Variants in PRKN observed in about 807,000 individuals in gnomAD.
The protein encoded by PRKN is parkin RBR E3 ubiquitin protein ligase, also known as E3 ubiquitin-protein ligase parkin.
In PRKN, 56 loss-of-function variants were observed where a neutral mutation model predicts 59.5. That is an observed-to-expected ratio of 0.94 (90% CI 0.76 to 1.18). The LOEUF (loss-of-function observed/expected upper bound fraction) is 1.18. Among genes scored for constraint, PRKN ranks in the 50% most tolerant of loss-of-function variants. PRKN has a pLI of 0.00. For missense variants in PRKN, 657 were observed against 596.4 expected (o/e 1.10, Z -1.06); for synonymous variants, 250 against 222.1 (o/e 1.13, Z -1.12).
At chr6:162,515,653 A>G (rs1361592833) in intron 1 of PRKN, among the ~76,000 whole-genome samples, 1 of 152,152 alleles carries the variant, frequency 6.6e-6, no homozygotes, top group Non-Finnish European at 1.5e-5. Context: ...TATCGGGTAC[A>G]TTGTAGATTC....
At chr6:161,905,731 T>A (rs1583327135) in intron 6 of PRKN, among the ~76,000 whole-genome samples, 1 of 151,826 alleles carries the variant, frequency 6.6e-6, no homozygotes, top group South Asian at 2.1e-4. Context: ...GAGGCCGAGG[T>A]GGGCGGATCA....
chr6:162,146,204 G>C (rs117006502), intron 4 of PRKN, among the ~76,000 whole-genome samples: 2,427 of 152,144 alleles, frequency 0.016, 29 homozygotes, highest in Non-Finnish European at 0.024. Flanking sequence ...GCAAACATAT[G>C]CTAAAGATAG....
intron 4 of PRKN, among the ~76,000 whole-genome samples, chr6:162,057,812 C>T (rs1479750744): frequency 1.3e-5 from 2 of 152,186 alleles, no homozygotes; most frequent in African/African-American, 4.8e-5. Flanking sequence ...CATAGATTCA[C>T]TGGGACATTT....
chr6:162,581,711 A>G (rs1260372769), intron 1 of PRKN, among the ~76,000 whole-genome samples: 2 of 152,238 alleles, frequency 1.3e-5, no homozygotes, highest in Non-Finnish European at 2.9e-5. Context: ...GTGAGCCAAG[A>G]TCACGCCACT....
Position 161,550,651 on chromosome 6 carries a change from A to G in PRKN, c.934-1648T>C, listed in dbSNP as rs1779969877. Among the ~76,000 whole-genome samples the G allele has an allele frequency of 6.6e-6, 1 of 151,344 alleles. No individual in the cohort carries two copies. The highest frequency in any genetic ancestry group is 2.4e-5 in the African/African-American group (1 of 41,040). ...GAAAAGAGGAGTCAACTGTGAGTGGAGTGTAGTTCCCCGTTTCCTGAGAAG... is the reference window on the plus strand; with the variant it reads ...GAAAAGAGGAGTCAACTGTGAGTGGGGTGTAGTTCCCCGTTTCCTGAGAAG... On this transcript the variant is annotated intron_variant, in intron 8 of 11. Coordinates refer to ENST00000366898, the MANE Select transcript of PRKN (RefSeq NM_004562.3). The surrounding 1 kb of genome is among the most constrained non-coding windows in gnomAD (Gnocchi z 4.0).
At chr6:162,442,291 C>T (rs1332160416) in intron 2 of PRKN, among the ~76,000 whole-genome samples, 2 of 152,158 alleles carry the variant, frequency 1.3e-5, no homozygotes, top group Admixed American at 1.3e-4. Context: ...CCAGGAGCCC[C>T]CCTGCGCGGA....
At chr6:161,722,026 T>A (rs879731839) in intron 7 of PRKN, among the ~76,000 whole-genome samples, 2 of 152,116 alleles carry the variant, frequency 1.3e-5, no homozygotes, top group African/African-American at 2.4e-5. Context: ...AAAGCACCAA[T>A]TACTCCTTCT....
chr6:162,671,150 G>A (rs754004046), intron 1 of PRKN, among the ~76,000 whole-genome samples: 19 of 152,102 alleles, frequency 1.2e-4, no homozygotes, highest in South Asian at 2.1e-4. Context: ...CTACAATCCC[G>A]TCTAACATTC....
chr6:162,565,717 C>CATAT (rs1461890544), intron 1 of PRKN, among the ~76,000 whole-genome samples: 2 of 151,294 alleles, frequency 1.3e-5, no homozygotes, highest in African/African-American at 2.4e-5. Flanking sequence ...TACATACATA[C>CATAT]ATACATACAT....
chr6:161,540,807 T>C (rs1005296474), intron 9 of PRKN, among the ~76,000 whole-genome samples: 6 of 152,188 alleles, frequency 3.9e-5, no homozygotes, highest in Non-Finnish European at 8.8e-5. Flanking sequence ...TTAAGTCCTA[T>C]AGGAAAGAAA....
chr6:162,185,166 T>C (rs963545154), intron 4 of PRKN, among the ~76,000 whole-genome samples: 1 of 152,188 alleles, frequency 6.6e-6, no homozygotes, highest in Non-Finnish European at 1.5e-5. Context: ...CCACAGCACA[T>C]TTTCCAATGT....
At chr6:162,701,372 C>A (rs1171153492) in intron 1 of PRKN, among the ~76,000 whole-genome samples, 1 of 151,920 alleles carries the variant, frequency 6.6e-6, no homozygotes, top group Non-Finnish European at 1.5e-5. Context: ...ATAATCAATT[C>A]CACTATTAAA....
chr6:161,356,295 TCTGA>T lies in PRKN; in HGVS notation c.1285+3789_1285+3792del, dbSNP rs1282863400. ...TCTTTGGCAGGGTGGTAAGGGGCGG[TCTGA>T]CTGAGAAGAGGTCAGCTGGGGTAAG... is the stretch of plus-strand genomic sequence containing the variant. On this transcript the variant is annotated intron_variant, in intron 11 of 11. Coordinates refer to ENST00000366898, the MANE Select transcript of PRKN (RefSeq NM_004562.3). This position sits in a 1 kb window ranked among gnomAD's most constrained non-coding sequence, Gnocchi z 7.8. Among the ~76,000 whole-genome samples, 8 of 151,942 alleles carry T rather than the reference TCTGA, an allele frequency of 5.3e-5. No individual in the cohort carries two copies. The highest frequency in any genetic ancestry group is 1.9e-4 in the African/African-American group (8 of 41,370).
chr6:162,488,161 G>A (rs1455027273), intron 1 of PRKN, among the ~76,000 whole-genome samples: 1 of 150,900 alleles, frequency 6.6e-6, no homozygotes, highest in Non-Finnish European at 1.5e-5. Context: ...AAAAATCACA[G>A]GGCTGTCTAT....
chr6:161,902,136 A>C (rs1302327749), intron 6 of PRKN, among the ~76,000 whole-genome samples: 1 of 152,146 alleles, frequency 6.6e-6, no homozygotes, highest in Non-Finnish European at 1.5e-5. Flanking sequence ...AGGGGTTTCT[A>C]AGTTAACATT....
intron 4 of PRKN, among the ~76,000 whole-genome samples, chr6:162,079,846 A>T (rs910489715): frequency 5.3e-5 from 8 of 152,172 alleles, no homozygotes; most frequent in African/African-American, 1.9e-4. Context: ...GGAATGTTTA[A>T]TGAGAGTAAT....
At chr6:162,436,637 T>C (rs544753883) in intron 2 of PRKN, among the ~76,000 whole-genome samples, 1 of 128,948 alleles carries the variant, frequency 7.8e-6, no homozygotes, top group Non-Finnish European at 1.6e-5. Flanking sequence ...AAAATTATAA[T>C]GTATGACTAA....
At chr6:161,901,064 T>G (rs978715757) in intron 6 of PRKN, among the ~76,000 whole-genome samples, 1 of 151,422 alleles carries the variant, frequency 6.6e-6, no homozygotes, top group Non-Finnish European at 1.5e-5. Flanking sequence ...TACAGGCACA[T>G]GCCAGGACGC....
chr6:161,684,240 G>A (rs1785473801), intron 7 of PRKN, among the ~76,000 whole-genome samples: 1 of 151,878 alleles, frequency 6.6e-6, no homozygotes, highest in African/African-American at 2.4e-5. Context: ...TTTTAAGGCT[G>A]TTAAAAAAAT....
Sources: gnomAD v4.1 joint callset for allele counts (sites outside exome capture counted in the v4.1 genomes callset) on GRCh38, gnomAD v4.1.1 for gene constraint, Gnocchi (gnomAD v3.1) non-coding constraint, MANE v1.5 for transcripts, NCBI Gene and HGNC (gene_info 2026-07-23, HGNC 2026-07-21) for gene names.